TMEM108: variants seen among roughly 807,000 people sequenced by gnomAD.
TMEM108 encodes the protein transmembrane protein 108.
In TMEM108, 12 loss-of-function variants were observed where a neutral mutation model predicts 35.1. That is an observed-to-expected ratio of 0.34 (90% confidence interval 0.22 to 0.55). The LOEUF is 0.55. Ranked by LOEUF, TMEM108 falls within the 20% of genes least tolerant of loss-of-function variation. The pLI, the probability that TMEM108 is intolerant of heterozygous loss-of-function variation, is 0.89. For missense variants in TMEM108, 680 were observed against 753.3 expected (o/e 0.90, Z 1.14); for synonymous variants, 287 against 308.6 (o/e 0.93, Z 0.73).
intron 2 of TMEM108, among the ~76,000 whole-genome samples, chr3:133,069,017 G>A (rs76429232): frequency 0.028 from 4,200 of 152,208 alleles, 104 homozygotes; most frequent in South Asian, 0.061. Context: ...TCCATGTTTG[G>A]ATAGAACAAA....
chr3:133,158,252 G>A (rs913602637), intron 2 of TMEM108, among the ~76,000 whole-genome samples: 4 of 151,906 alleles, frequency 2.6e-5, no homozygotes, highest in Admixed American at 1.3e-4. Flanking sequence ...GGCGGGTCAC[G>A]AGGTCAAGAA....
intron 2 of TMEM108, among the ~76,000 whole-genome samples, chr3:133,066,031 A>G (rs1291816930): frequency 6.6e-6 from 1 of 152,140 alleles, no homozygotes; most frequent in Non-Finnish European, 1.5e-5. Flanking sequence ...TGAGGATTTT[A>G]TTGTCATAAT....
In TMEM108 at chr3:133,364,766, A is replaced by T. The variant is rs574929767; in HGVS notation, c.41-14986A>T. Among the ~76,000 whole-genome samples the T allele has an allele frequency of 5.9e-5, 9 of 152,356 alleles. No individual in the cohort carries two copies. In the South Asian group the frequency reaches 1.9e-3, roughly 32 times the overall value. On this transcript the variant is annotated intron_variant, in intron 3 of 5. Transcript: ENST00000321871. ...CATCATGAACATTAATTGAAATATCATCTGTGGCAGACCTGGTTCCCAGGA... is the reference window on the plus strand; with the variant it reads ...CATCATGAACATTAATTGAAATATCTTCTGTGGCAGACCTGGTTCCCAGGA...
intron 2 of TMEM108, among the ~76,000 whole-genome samples, chr3:133,160,021 C>G (rs1944938449): frequency 6.6e-6 from 1 of 152,160 alleles, no homozygotes; most frequent in South Asian, 2.1e-4. Context: ...ACAGCACATG[C>G]TAGGTTCACA....
intron 2 of TMEM108, among the ~76,000 whole-genome samples, chr3:133,157,371 A>G (rs1944896698): frequency 6.6e-6 from 1 of 152,222 alleles, no homozygotes; most frequent in South Asian, 2.1e-4. Context: ...GTAGATCATA[A>G]CAATATTTGG....
chr3:133,228,085 T>C (rs566638393), intron 2 of TMEM108, among the ~76,000 whole-genome samples: 2 of 152,206 alleles, frequency 1.3e-5, no homozygotes, highest in East Asian at 3.9e-4. Flanking sequence ...ATGAAAACAT[T>C]CTGGAATTAG....
At chr3:133,163,213 C>CTGAGAT (rs1944986421) in intron 2 of TMEM108, among the ~76,000 whole-genome samples, 2 of 151,948 alleles carry the variant, frequency 1.3e-5, no homozygotes, top group South Asian at 4.1e-4. Context: ...ACCCTTTTTT[C>CTGAGAT]TGAGATGGGC....
intron 3 of TMEM108, among the ~76,000 whole-genome samples, chr3:133,328,007 G>A (rs1160818047): frequency 6.6e-6 from 1 of 152,110 alleles, no homozygotes; most frequent in Non-Finnish European, 1.5e-5. Context: ...TACCACCTTT[G>A]TTGTGGACTA....
rs1039734713 is a variant in TMEM108, at chr3:133,249,261, A to G, written c.40+19910A>G. Among the ~76,000 whole-genome samples the G allele has an allele frequency of 4.6e-5, 7 of 152,322 alleles. No homozygotes were observed. In the South Asian group the frequency reaches 1.4e-3, roughly 32 times the overall value. ...GCCCCACTGTGTTTCAGAGGGTGAA[A>G]AGAAACTGAGGAAATAAATAAAGAC... On this transcript the variant is annotated intron_variant, in intron 3 of 5. Coordinates refer to ENST00000321871, the MANE Select transcript of TMEM108 (RefSeq NM_023943.4).
At chr3:133,106,044 A>C (rs888336567) in intron 2 of TMEM108, among the ~76,000 whole-genome samples, 2 of 152,132 alleles carry the variant, frequency 1.3e-5, no homozygotes, top group African/African-American at 4.8e-5. Flanking sequence ...CGGAATTTAT[A>C]ACCTAATAGG....
intron 2 of TMEM108, among the ~76,000 whole-genome samples, chr3:133,084,213 C>T (rs1369752824): frequency 6.6e-6 from 1 of 152,136 alleles, no homozygotes; most frequent in African/African-American, 2.4e-5. Flanking sequence ...AACATTTACC[C>T]ACATTCTTTT....
chr3:133,089,214 A>G (rs1943918930), intron 2 of TMEM108, among the ~76,000 whole-genome samples: 1 of 152,274 alleles, frequency 6.6e-6, no homozygotes. Context: ...GGGGATTACA[A>G]TTTGACATGA....
intron 3 of TMEM108, among the ~76,000 whole-genome samples, chr3:133,265,321 A>G (rs149012492): frequency 1.1e-4 from 17 of 152,294 alleles, no homozygotes; most frequent in African/African-American, 3.4e-4. Flanking sequence ...GCTTTGAAAT[A>G]GTTCATTTTA....
At chr3:133,172,954 C>T (rs781664324) in intron 2 of TMEM108, among the ~76,000 whole-genome samples, 7 of 152,322 alleles carry the variant, frequency 4.6e-5, no homozygotes, top group South Asian at 2.1e-4. Flanking sequence ...TCAGGTAAGA[C>T]GTGACTTGCT....
intron 3 of TMEM108, among the ~76,000 whole-genome samples, chr3:133,285,110 C>T (rs1306833012): frequency 6.6e-6 from 1 of 152,062 alleles, no homozygotes; most frequent in Non-Finnish European, 1.5e-5. Context: ...AAATATATTT[C>T]ATCTACAGTG....
chr3:133,100,133 C>T (rs571915946), intron 2 of TMEM108, among the ~76,000 whole-genome samples: 4 of 152,244 alleles, frequency 2.6e-5, no homozygotes, highest in Admixed American at 6.5e-5. Flanking sequence ...CACATGGCAG[C>T]GGCGAGAGAA....
At chr3:133,242,042 T>G (rs1946321771) in intron 3 of TMEM108, among the ~76,000 whole-genome samples, 1 of 152,182 alleles carries the variant, frequency 6.6e-6, no homozygotes, top group Non-Finnish European at 1.5e-5. Flanking sequence ...CTCTGAAGGC[T>G]CTAAGGCTCC....
intron 2 of TMEM108, among the ~76,000 whole-genome samples, chr3:133,170,953 A>T (rs1337419280): frequency 6.6e-6 from 1 of 152,208 alleles, no homozygotes; most frequent in African/African-American, 2.4e-5. Context: ...CAGACAAGTG[A>T]TGAAGATTAG....
At chr3:133,372,095 A>C (rs1426169367) in intron 3 of TMEM108, among the ~76,000 whole-genome samples, 1 of 152,252 alleles carries the variant, frequency 6.6e-6, no homozygotes. Context: ...AAAAAAGCTA[A>C]AGCTGAAGAT....
Sources: allele counts gnomAD v4.1 joint callset (sites outside exome capture counted in the v4.1 genomes callset), GRCh38; gene constraint gnomAD v4.1.1; transcripts MANE v1.5; gene names NCBI Gene and HGNC (gene_info 2026-07-23, HGNC 2026-07-21).